The following TAF1 variants were observed in gnomAD, a reference collection of about 807,000 sequenced individuals.
TAF1 encodes the protein TATA-box binding protein associated factor 1.
In TAF1, 2 loss-of-function variants were observed where a neutral mutation model predicts 138.5. The observed-to-expected ratio is 0.01, with a 90% confidence interval of 0.01 to 0.05. TAF1 has a LOEUF of 0.05. Ranked by LOEUF, TAF1 falls within the 10% of genes least tolerant of loss-of-function variation. The pLI is 1.00. For missense variants in TAF1, 709 were observed against 1,478.0 expected (o/e 0.48, Z 8.53); for synonymous variants, 437 against 503.2 (o/e 0.87, Z 1.76).
chrX:71,389,454 T>C, intron 17 of TAF1, 131 bp from the exon 18 acceptor site: 1 of 496,918 alleles, frequency 2.0e-6, no homozygotes, highest in South Asian at 3.1e-5. Flanking sequence ...GTGTTAGATA[T>C]AGTGAAGACT....
intron 14 of TAF1, among the ~76,000 whole-genome samples, chrX:71,529,298 C>T (rs1164785035): frequency 2.7e-5 from 3 of 110,589 alleles, no homozygotes; most frequent in Non-Finnish European, 5.7e-5. Flanking sequence ...GTCTCCATCT[C>T]CTGACCTCAT....
At chrX:71,481,444 T>C (rs886914671) in intron 13 of TAF1, among the ~76,000 whole-genome samples, 5 of 112,948 alleles carry the variant, frequency 4.4e-5, no homozygotes, top group Admixed American at 1.9e-4. Flanking sequence ...TGATTTGGAA[T>C]ATCTGAGATA....
At chrX:71,508,730 CAGAG>C (rs1038687718) in intron 13 of TAF1, among the ~76,000 whole-genome samples, 5 of 103,206 alleles carry the variant, frequency 4.8e-5, no homozygotes, top group Middle Eastern at 4.5e-3. Context: ...TATGGAGAGA[CAGAG>C]TGAGTGTGTG....
chrX:71,458,189 A>AT (rs1156764491), intron 34 of TAF1, 52 bp from the exon 35 acceptor site: 2 of 1,190,143 alleles, frequency 1.7e-6, no homozygotes, highest in Admixed American at 2.3e-5. Context: ...AGTTATCTGT[A>AT]TTTATTTTCC....
chrX:71,380,543 G>C (rs1340327054), intron 8 of TAF1, among the ~76,000 whole-genome samples: 1 of 110,395 alleles, frequency 9.1e-6, no homozygotes, highest in African/African-American at 3.3e-5. Context: ...GACTTCAGGG[G>C]CATGCCACCA....
chrX:71,387,794 G>A (rs80269382), intron 15 of TAF1, among the ~76,000 whole-genome samples: 5 of 111,602 alleles, frequency 4.5e-5, no homozygotes, highest in Admixed American at 3.8e-4. Context: ...TTAGCCAGGC[G>A]TGGTGGCACA....
chrX:71,520,109 T>C lies in TAF1; in HGVS notation c.1367-8433T>C, dbSNP rs2039903576. The stretch of plus-strand genomic sequence containing the variant: ...GATTACAGGTGTGAGCCACCGCCCC[T>C]GGCCTGAAGGCATTTTATTTTATTT... On this transcript the variant is annotated intron_variant and NMD_transcript_variant, in intron 13 of 14. Coordinates refer to the TAF1 transcript ENST00000373775. 2.9e-5 allele frequency among the ~76,000 whole-genome samples: 3 copies of C among 104,112 alleles called. No homozygotes were observed. The South Asian group carries it at 1.5e-3, about 51-fold the overall frequency. 90.4% of individuals were successfully genotyped at this position (104,112 alleles called of 115,157 possible). A position where few individuals can be genotyped will look rare whatever the true frequency, so the allele number is the denominator to read the frequency against.
intron 13 of TAF1, among the ~76,000 whole-genome samples, chrX:71,511,358 TA>T (rs1458427932): frequency 8.9e-6 from 1 of 112,283 alleles, no homozygotes; most frequent in Non-Finnish European, 1.9e-5. Context: ...ACTATGTTCC[TA>T]GGTATTTGTG....
intron 13 of TAF1, among the ~76,000 whole-genome samples, chrX:71,501,293 C>T (rs1406539617): frequency 9.0e-6 from 1 of 110,852 alleles, no homozygotes; most frequent in Admixed American, 9.7e-5. Flanking sequence ...TAGTGTCCCC[C>T]CACTGACAGG....
Position 71,464,524 on chromosome X carries a change from G to T in TAF1, c.*478G>T. The T allele has an allele frequency of 3.6e-6, 1 of 276,708 alleles. No homozygotes were observed. Among genetic ancestry groups the T allele is most frequent in the Non-Finnish European group, 6.3e-6 (1 of 157,671 alleles). 22.8% of individuals were successfully genotyped at this position (276,708 alleles called of 1,213,427 possible). ...GTTCGAGACCAGCTTGGCCAACATG[G>T]CGAAACCGCATCTCTACTAAAAATA... On this transcript the variant is annotated 3_prime_UTR_variant, in exon 38 of 38. Transcript: ENST00000423759.
At chrX:71,433,165 TC>T (rs1271840109) in intron 32 of TAF1, among the ~76,000 whole-genome samples, 1 of 112,235 alleles carries the variant, frequency 8.9e-6, no homozygotes, top group Non-Finnish European at 1.9e-5. Flanking sequence ...AGTTGAAAGT[TC>T]CAGAGGTGAA....
In TAF1 at chrX:71,502,369, T is replaced by A. The variant is rs768206784; in HGVS notation, c.1367-26173T>A. Reference sequence around the variant, plus strand: ...TAGCGAGACACAGAGTGCTGACTGGTGCATTTACAATCCTTTAGCTAGACA... The same window carrying A: ...TAGCGAGACACAGAGTGCTGACTGGAGCATTTACAATCCTTTAGCTAGACA... On this transcript the variant is annotated intron_variant and NMD_transcript_variant, in intron 13 of 14. Coordinates refer to the TAF1 transcript ENST00000373775. 5.4e-5 allele frequency among the ~76,000 whole-genome samples: 6 copies of A among 111,261 alleles called. No individual in the cohort carries two copies. In the South Asian group the frequency reaches 1.9e-3, roughly 36 times the overall value.
chrX:71,486,968 T>C (rs1320623373), intron 13 of TAF1, among the ~76,000 whole-genome samples: 1 of 110,704 alleles, frequency 9.0e-6, no homozygotes, highest in Non-Finnish European at 1.9e-5. Flanking sequence ...TCTCTAATCT[T>C]TATTATTTTC....
rs1386814411 is a variant in TAF1, at chrX:71,378,228, GT to G, written c.934-5del. 8.3e-7 allele frequency: 1 copy of G among 1,209,912 alleles called. No individual in the cohort carries two copies. The highest frequency in any genetic ancestry group is 1.7e-5 in the African/African-American group (1 of 57,677). ...TCTCCCTGCTCTACTTCTTTCTTCT[GT>G]TACAGATCACGATGATGGCTCCTGT... On this transcript the variant is annotated splice_polypyrimidine_tract_variant and splice_region_variant and intron_variant, in intron 6 of 37. Coordinates refer to ENST00000423759, the MANE Select transcript of TAF1 (RefSeq NM_004606.5).
intron 28 of TAF1, chrX:71,420,165 CGA>C: frequency 9.4e-6 from 5 of 532,555 alleles, no homozygotes; most frequent in East Asian, 3.7e-5. Flanking sequence ...ACTGTGGAAT[CGA>C]GAGAGGGAAC....
chrX:71,397,918 T>C (rs2034944835), intron 23 of TAF1, among the ~76,000 whole-genome samples: 1 of 112,179 alleles, frequency 8.9e-6, no homozygotes, highest in Non-Finnish European at 1.9e-5. Context: ...AGAACTATCT[T>C]GCCTTTAGAT....
intron 28 of TAF1, among the ~76,000 whole-genome samples, chrX:71,420,965 C>T (rs2036312552): frequency 8.9e-6 from 1 of 112,876 alleles, no homozygotes; most frequent in Admixed American, 9.3e-5. Flanking sequence ...GCCTGCAGCC[C>T]CAGCCGCCCG....
chrX:71,422,748 A>AT (rs886961729), intron 29 of TAF1, among the ~76,000 whole-genome samples: 24 of 109,174 alleles, frequency 2.2e-4, no homozygotes, highest in African/African-American at 5.7e-4. Flanking sequence ...TTATTTATTT[A>AT]TTTTTTTTGA....
At position 71,377,114 on chromosome X, in the gene TAF1, G is replaced by T; in HGVS notation, c.637G>T (p.Ala213Ser). Residue 213 changes from alanine (A) to serine (S), a missense_variant, in exon 5 of 38, where the codon GCT (alanine) becomes TCT (serine). This residue lies in a region of TAF1 where 123 missense variants were observed against 161.6 expected (regional missense o/e 0.76). Coordinates refer to ENST00000423759, the MANE Select transcript of TAF1 (RefSeq NM_004606.5). The stretch of plus-strand genomic sequence containing the variant: ...AGATGGAAAGCTGACCCTTCCATTG[G>T]CTGGGATTATGCAGCATGATGCCAC... The part of the protein sequence containing the change: ...SEDGKLTLPL[A>S]GIMQHDATKL... 2.5e-6 allele frequency: 3 copies of T among 1,211,647 alleles called. No homozygotes were observed. The highest frequency in any genetic ancestry group is 3.3e-6 in the Non-Finnish European group (3 of 895,541).
Sources: allele counts gnomAD v4.1 joint callset (sites outside exome capture counted in the v4.1 genomes callset), GRCh38; gene constraint gnomAD v4.1.1; regional missense constraint gnomAD v4.1.1; transcripts MANE v1.5; gene names NCBI Gene and HGNC (gene_info 2026-07-23, HGNC 2026-07-21).